The following DLGAP1 variants were observed in gnomAD, a reference collection of about 807,000 sequenced individuals.
The protein encoded by DLGAP1 is DLG associated protein 1.
Under a neutral mutation model 90.8 loss-of-function variants are expected in DLGAP1, and 11 were observed. That is an observed-to-expected ratio of 0.12 (90% CI 0.08 to 0.20). DLGAP1 has a LOEUF of 0.20. Among genes scored for constraint, DLGAP1 ranks in the 10% least tolerant of loss-of-function variants. The pLI is 1.00. For missense variants in DLGAP1, 1,050 were observed against 1,333.8 expected (o/e 0.79, Z 3.31); for synonymous variants, 558 against 540.7 (o/e 1.03, Z -0.44).
intron 3 of DLGAP1, among the ~76,000 whole-genome samples, chr18:3,882,838 C>T (rs2071211107): frequency 1.3e-5 from 2 of 152,182 alleles, no homozygotes; most frequent in Non-Finnish European, 2.9e-5. Flanking sequence ...TCCTACAATA[C>T]AAAAATTGCC....
In DLGAP1 at chr18:3,783,803, A is replaced by T. The variant is rs577499593; in HGVS notation, c.1172+30256T>A. ...ATCTAAATAAAGTGGTTACTACAAA[A>T]AGCAATATCCTTTGGAAGTTGCTTA... On this transcript the variant is annotated intron_variant, in intron 5 of 12. Coordinates refer to ENST00000315677, the MANE Select transcript of DLGAP1 (RefSeq NM_004746.4). Among the ~76,000 whole-genome samples the T allele has an allele frequency of 2.7e-3, 405 of 152,322 alleles. 4 individuals are homozygous for T. Among genetic ancestry groups the T allele is most frequent in the African/African-American group, 9.4e-3 (390 of 41,576 alleles).
At chr18:3,903,634 A>G (rs184635350) in intron 3 of DLGAP1, among the ~76,000 whole-genome samples, 1 of 152,340 alleles carries the variant, frequency 6.6e-6, no homozygotes, top group African/African-American at 2.4e-5. Context: ...TATTTACAGC[A>G]TGTATTTCAC....
chr18:3,733,876 T>A (rs1235488638), intron 6 of DLGAP1, among the ~76,000 whole-genome samples: 1 of 152,206 alleles, frequency 6.6e-6, no homozygotes, highest in African/African-American at 2.4e-5. Context: ...AAACCATTCC[T>A]GTTAAAGGGT....
intron 7 of DLGAP1, among the ~76,000 whole-genome samples, chr18:3,681,933 C>T (rs1294830912): frequency 6.6e-6 from 1 of 151,896 alleles, no homozygotes; most frequent in Non-Finnish European, 1.5e-5. Context: ...GCCTGGCCAA[C>T]ATGGTGAAAC....
At chr18:3,672,662 T>A (rs1331283819) in intron 7 of DLGAP1, among the ~76,000 whole-genome samples, 1 of 146,086 alleles carries the variant, frequency 6.8e-6, no homozygotes, top group African/African-American at 2.5e-5. Flanking sequence ...TTTTAGAGAC[T>A]ACTCACAACT....
At chr18:4,101,673 ACT>A (rs1393949217) in intron 2 of DLGAP1, among the ~76,000 whole-genome samples, 1 of 152,004 alleles carries the variant, frequency 6.6e-6, no homozygotes, top group Non-Finnish European at 1.5e-5. Flanking sequence ...CTTGCTGCCA[ACT>A]CTGACTTTAT....
intron 4 of DLGAP1, among the ~76,000 whole-genome samples, chr18:3,832,287 T>C (rs1156913758): frequency 6.6e-6 from 1 of 152,238 alleles, no homozygotes; most frequent in Non-Finnish European, 1.5e-5. Flanking sequence ...GAACTACCCA[T>C]GGACAGTAAT....
chr18:4,412,572 G>A (rs1386414732), intron 1 of DLGAP1, among the ~76,000 whole-genome samples: 1 of 152,128 alleles, frequency 6.6e-6, no homozygotes, highest in African/African-American at 2.4e-5. Context: ...TCAGGGTCTA[G>A]GACCAAGTAT....
In DLGAP1 at chr18:3,719,513, C is replaced by T. The variant is rs1339517407; in HGVS notation, c.1591+9622G>A. On this transcript the variant is annotated intron_variant, in intron 7 of 12. Transcript: ENST00000315677. ...CAGAGCTTGCAGTGAGCTGAGAGCG[C>T]GCCACTGCACTCCAGCCTGGGCGAC... Among the ~76,000 whole-genome samples the T allele has an allele frequency of 6.7e-4, 97 of 144,134 alleles. 1 individual carries two copies. The highest frequency in any genetic ancestry group is 1.6e-3 in the African/African-American group (61 of 38,112). The allele number at this position is 144,134 out of a possible 152,430, so 94.6% of individuals were successfully genotyped here. A position where few individuals can be genotyped will look rare whatever the true frequency, so the allele number is the denominator to read the frequency against.
intron 1 of DLGAP1, among the ~76,000 whole-genome samples, chr18:4,235,719 C>CTTTTTTTTTTTTTT (rs1175101805): frequency 1.2e-5 from 1 of 80,252 alleles, no homozygotes; most frequent in Non-Finnish European, 2.2e-5. Context: ...ATTTCAATGT[C>CTTTTTTTTTTTTTT]TTTTTTTTTT....
chr18:4,291,818 G>A (rs1036545971), intron 1 of DLGAP1, among the ~76,000 whole-genome samples: 1 of 152,118 alleles, frequency 6.6e-6, no homozygotes, highest in African/African-American at 2.4e-5. Flanking sequence ...TCATAAATGT[G>A]AGAAATAGTA....
At chr18:4,236,481 A>G (rs1024006534) in intron 1 of DLGAP1, among the ~76,000 whole-genome samples, 2 of 152,118 alleles carry the variant, frequency 1.3e-5, no homozygotes, top group African/African-American at 4.8e-5. Context: ...CTTCCTCACA[A>G]CGCTTAGGAA....
intron 7 of DLGAP1, among the ~76,000 whole-genome samples, chr18:3,698,291 A>G (rs2061162655): frequency 6.6e-6 from 1 of 152,136 alleles, no homozygotes; most frequent in Non-Finnish European, 1.5e-5. Flanking sequence ...AATGGTCTTT[A>G]CAATTTGATA....
intron 7 of DLGAP1, among the ~76,000 whole-genome samples, chr18:3,625,639 G>C (rs1216169250): frequency 1.3e-5 from 2 of 151,996 alleles, no homozygotes; most frequent in African/African-American, 4.8e-5. Flanking sequence ...AGAAAAATTA[G>C]ACCTTCATGA....
Position 3,852,208 on chromosome 18 carries a change from T to C in DLGAP1, c.957+26904A>G, listed in dbSNP as rs571336617. Among the ~76,000 whole-genome samples, 6 of 152,310 alleles carry C rather than the reference T, an allele frequency of 3.9e-5. No individual in the cohort carries two copies. In the South Asian group the frequency reaches 1.2e-3, roughly 32 times the overall value. ...ATGAAAAAGATATCCATTGTATCAG[T>C]GCAAAGTCGTCTAGAATGATCAACC... On this transcript the variant is annotated intron_variant, in intron 4 of 12. Coordinates refer to ENST00000315677, the MANE Select transcript of DLGAP1 (RefSeq NM_004746.4).
At chr18:3,868,588 C>G (rs944619916) in intron 4 of DLGAP1, among the ~76,000 whole-genome samples, 4 of 152,050 alleles carry the variant, frequency 2.6e-5, no homozygotes, top group African/African-American at 9.7e-5. Flanking sequence ...CTTTTATAAC[C>G]AAAAATGGCA....
Position 3,526,269 on chromosome 18 carries a change from A to G in DLGAP1, c.2479+7925T>C, listed in dbSNP as rs2051612381. ...GGCAGATGAATTGCAGAACTCACAGATACAGCTTTGTCTGCCACCCACTGT... is the reference window on the plus strand; with the variant it reads ...GGCAGATGAATTGCAGAACTCACAGGTACAGCTTTGTCTGCCACCCACTGT... On this transcript the variant is annotated intron_variant, in intron 10 of 12. Transcript: ENST00000315677. This position sits in a 1 kb window ranked among gnomAD's most constrained non-coding sequence, Gnocchi z 4.7. 6.6e-6 allele frequency among the ~76,000 whole-genome samples: 1 copy of G among 152,182 alleles called. No homozygotes were observed. Among genetic ancestry groups the G allele is most frequent in the Non-Finnish European group, 1.5e-5 (1 of 68,020 alleles).
intron 5 of DLGAP1, among the ~76,000 whole-genome samples, chr18:3,764,477 T>A (rs142701394): frequency 6.6e-6 from 1 of 152,346 alleles, no homozygotes; most frequent in East Asian, 1.9e-4. Context: ...TGTGATCTAC[T>A]GTTTCCAATG....
intron 1 of DLGAP1, among the ~76,000 whole-genome samples, chr18:4,446,596 C>A (rs1469861814): frequency 6.6e-6 from 1 of 152,114 alleles, no homozygotes; most frequent in Non-Finnish European, 1.5e-5. Flanking sequence ...ATATAAAAGT[C>A]TTGAAGAACT....
Sources: allele counts gnomAD v4.1 joint callset (sites outside exome capture counted in the v4.1 genomes callset), GRCh38; gene constraint gnomAD v4.1.1; non-coding constraint Gnocchi (gnomAD v3.1); transcripts MANE v1.5; gene names NCBI Gene and HGNC (gene_info 2026-07-23, HGNC 2026-07-21).